KALRN: variants seen among roughly 807,000 people sequenced by gnomAD.
KALRN encodes kalirin RhoGEF kinase, also known as kalirin.
A neutral mutation model predicts 353.7 loss-of-function variants in KALRN; 70 were observed. That is an observed-to-expected ratio of 0.20 (90% CI 0.16 to 0.24). KALRN has a LOEUF of 0.24. Among genes scored for constraint, KALRN ranks in the 10% least tolerant of loss-of-function variants. The pLI is 1.00. For missense variants in KALRN, 2,791 were observed against 3,756.7 expected, an observed-to-expected ratio of 0.74 and a Z score of 6.72; for synonymous variants, 1,391 against 1,434.8, an observed-to-expected ratio of 0.97 and a Z score of 0.69.
chr3:124,657,837 T>G, intron 41 of KALRN, 34 bp downstream of exon 41: 2 of 1,360,572 alleles, frequency 1.5e-6, no homozygotes, highest in Non-Finnish European at 2.1e-6. Flanking sequence ...CCCCAACTCC[T>G]TCACTAGGCT....
intron 13 of KALRN, among the ~76,000 whole-genome samples, chr3:124,411,387 C>G (rs970319856): frequency 7.3e-6 from 1 of 137,422 alleles, no homozygotes; most frequent in African/African-American, 2.7e-5. Context: ...CGAAAAAGGC[C>G]TAGTTCTATA....
At chr3:124,164,004 T>G (rs2070416301) in intron 1 of KALRN, 2 of 984,968 alleles carry the variant, frequency 2.0e-6, no homozygotes, top group Non-Finnish European at 2.4e-6. Context: ...AGCATTGTGT[T>G]TTGGATTTAC....
At chr3:124,642,008 G>A (rs560268989) in intron 37 of KALRN, among the ~76,000 whole-genome samples, 122 of 152,320 alleles carry the variant, frequency 8.0e-4, no homozygotes, top group African/African-American at 2.8e-3. Context: ...TAGGCCAAGT[G>A]TGGTGGCTCA....
rs866692744 is a variant in KALRN at position 124,229,054 on chromosome 3, G to A, written c.148+990G>A. On this transcript the variant is annotated intron_variant, in intron 2 of 59. Transcript: ENST00000682506. ...TAGAATAATTGCCCTATCTCAAGAT[G>A]GTTAACTTAATCATATTTGCAAAGT... Among the ~76,000 whole-genome samples the A allele has an allele frequency of 6.6e-4, 100 of 151,198 alleles. 1 individual carries two copies. Among genetic ancestry groups the A allele is most frequent in the Middle Eastern group, 3.4e-3 (1 of 294 alleles).
At chr3:124,127,128 G>C (rs1322065728) in intron 1 of KALRN, among the ~76,000 whole-genome samples, 1 of 152,160 alleles carries the variant, frequency 6.6e-6, no homozygotes, top group Non-Finnish European at 1.5e-5. Context: ...ATTGGTTGCA[G>C]ATTTGTGGGT....
intron 33 of KALRN, among the ~76,000 whole-genome samples, chr3:124,517,776 T>A (rs1287568886): frequency 6.6e-6 from 1 of 152,166 alleles, no homozygotes; most frequent in Admixed American, 6.5e-5. Flanking sequence ...CCTGTCATGG[T>A]CCCTGGAAAC....
intron 34 of KALRN, among the ~76,000 whole-genome samples, chr3:124,613,724 A>C (rs1324861694): frequency 6.6e-6 from 1 of 152,194 alleles, no homozygotes; most frequent in Non-Finnish European, 1.5e-5. Flanking sequence ...TCACTGATCT[A>C]TTCTCTCATC....
intron 3 of KALRN, among the ~76,000 whole-genome samples, chr3:124,263,693 C>T (rs1430340452): frequency 6.6e-6 from 1 of 152,168 alleles, no homozygotes; most frequent in African/African-American, 2.4e-5. Flanking sequence ...TACCATCTCT[C>T]ATCAACTGGC....
At chr3:124,099,142 T>G (rs1392364117) in intron 1 of KALRN, among the ~76,000 whole-genome samples, 2 of 152,234 alleles carry the variant, frequency 1.3e-5, no homozygotes, top group Non-Finnish European at 2.9e-5. Flanking sequence ...CTAGCTATTA[T>G]GAACTATACA....
intron 1 of KALRN, among the ~76,000 whole-genome samples, chr3:124,075,514 T>A (rs2060218045): frequency 6.6e-6 from 1 of 152,168 alleles, no homozygotes; most frequent in Non-Finnish European, 1.5e-5. Context: ...TCTCTCAGGT[T>A]TATTTTTGGT....
chr3:124,505,518 A>G (rs1024017761), intron 33 of KALRN, among the ~76,000 whole-genome samples: 2 of 152,202 alleles, frequency 1.3e-5, no homozygotes, highest in Non-Finnish European at 2.9e-5. Context: ...CCTTAGTCTC[A>G]GCTCCTAGGG....
At chr3:124,177,289 C>G in intron 1 of KALRN, among the ~76,000 whole-genome samples, 1 of 152,226 alleles carries the variant, frequency 6.6e-6, no homozygotes, top group Non-Finnish European at 1.5e-5. Context: ...TATTGCTTGG[C>G]AAGTGTGGAC....
chr3:124,161,564 G>T lies in KALRN; in HGVS notation c.74-66426G>T, dbSNP rs141153066. ...AGTAGGTCAAGGTGAAAACAGATTTGCATCTATAGTACAGAAACATGTGAA... is the reference window on the plus strand; with the variant it reads ...AGTAGGTCAAGGTGAAAACAGATTTTCATCTATAGTACAGAAACATGTGAA... On this transcript the variant is annotated intron_variant, in intron 1 of 59. Coordinates refer to ENST00000682506, the MANE Select transcript of KALRN (RefSeq NM_001388419.1). Among the ~76,000 whole-genome samples the T allele has an allele frequency of 2.3e-3, 354 of 152,296 alleles. 4 individuals are homozygous for T. Among genetic ancestry groups the T allele is most frequent in the Non-Finnish European group, 4.2e-3 (284 of 68,034 alleles).
intron 51 of KALRN, among the ~76,000 whole-genome samples, chr3:124,693,094 C>T (rs146258668): frequency 3.3e-5 from 5 of 152,274 alleles, no homozygotes; most frequent in South Asian, 2.1e-4. Flanking sequence ...CAGAGTTAGT[C>T]GGCTTAGTCA....
In KALRN at chr3:124,630,999, A is replaced by G. The variant is rs934199676; in HGVS notation, c.5183-1421A>G. On this transcript the variant is annotated intron_variant, in intron 34 of 59. Transcript: ENST00000682506. ...ACAGCTGCTTTTTTCAAAGTCACCA[A>G]TGATCTCCATGTTGCTCAGTTTTAA... Among the ~76,000 whole-genome samples, 3 of 152,082 alleles carry G rather than the reference A, an allele frequency of 2.0e-5. No homozygotes were observed. The South Asian group carries it at 6.2e-4, about 32-fold the overall frequency.
At chr3:124,644,175 C>T (rs657715) in intron 37 of KALRN, among the ~76,000 whole-genome samples, 4 of 151,610 alleles carry the variant, frequency 2.6e-5, no homozygotes, top group Non-Finnish European at 4.4e-5. Context: ...ATTTTCTATC[C>T]GTGTATATTT....
intron 6 of KALRN, among the ~76,000 whole-genome samples, chr3:124,307,399 G>C (rs1452035796): frequency 1.3e-5 from 2 of 151,916 alleles, no homozygotes; most frequent in Admixed American, 6.6e-5. Flanking sequence ...TTCTATAAAA[G>C]ACATAAAATT....
At chr3:124,353,914 T>C (rs772986414) in intron 10 of KALRN, among the ~76,000 whole-genome samples, 1 of 152,218 alleles carries the variant, frequency 6.6e-6, no homozygotes, top group Non-Finnish European at 1.5e-5. Flanking sequence ...GATTCAGAAC[T>C]TTCCCTCCCT....
chr3:124,444,348 C>G (rs552631811), intron 19 of KALRN, among the ~76,000 whole-genome samples: 1 of 152,326 alleles, frequency 6.6e-6, no homozygotes, highest in East Asian at 1.9e-4. Flanking sequence ...TTTCAAGGCC[C>G]TGCTTGTGTT....
Sources: allele counts gnomAD v4.1 joint callset (sites outside exome capture counted in the v4.1 genomes callset), GRCh38; gene constraint gnomAD v4.1.1; transcripts MANE v1.5; gene names NCBI Gene and HGNC (gene_info 2026-07-23, HGNC 2026-07-21).